NBAS: variants seen among roughly 807,000 people sequenced by gnomAD.
NBAS encodes NAG/BC035112 fusion.
In NBAS, 219 loss-of-function variants were observed where a neutral mutation model predicts 302.5. The observed-to-expected ratio is 0.72, with a 90% confidence interval of 0.65 to 0.81. The LOEUF is 0.81. Ranked by LOEUF, NBAS falls within the 30% of genes least tolerant of loss-of-function variation. The pLI is 0.00. For missense variants in NBAS, 2,932 were observed against 2,841.6 expected, an observed-to-expected ratio of 1.03 and a Z score of -0.72; for synonymous variants, 1,118 against 1,021.6, an observed-to-expected ratio of 1.09 and a Z score of -1.80.
chr2:15,063,687 A>G, the NBAS span, among the ~76,000 whole-genome samples: 1 of 152,172 alleles, frequency 6.6e-6, no homozygotes, highest in African/African-American at 2.4e-5. Flanking sequence ...TTAGAAAGGA[A>G]AGAAAGAGGC....
At chr2:15,481,612 T>A (rs754236858) in intron 12 of NBAS, among the ~76,000 whole-genome samples, 2 of 151,998 alleles carry the variant, frequency 1.3e-5, no homozygotes, top group African/African-American at 4.8e-5. Flanking sequence ...CAGCATTGCA[T>A]GGCACCATGT....
chr2:14,891,182 G>A, the NBAS span, among the ~76,000 whole-genome samples: 1 of 152,148 alleles, frequency 6.6e-6, no homozygotes, highest in Non-Finnish European at 1.5e-5. Context: ...CCAGCCGGTG[G>A]GCAGACCACA....
the NBAS span, among the ~76,000 whole-genome samples, chr2:14,845,124 T>A: frequency 3.9e-5 from 6 of 152,178 alleles, no homozygotes; most frequent in African/African-American, 1.4e-4. Flanking sequence ...TGGCTTTAGG[T>A]CTGACTCAGT....
chr2:14,922,208 G>T, the NBAS span, among the ~76,000 whole-genome samples: 4 of 152,184 alleles, frequency 2.6e-5, no homozygotes, highest in Admixed American at 2.6e-4. Flanking sequence ...GAGGAATCAT[G>T]GTGAGTAAAT....
At chr2:15,474,360 G>A in intron 14 of NBAS, 36 bp from the exon 15 acceptor site, 1 of 1,559,786 alleles carries the variant, frequency 6.4e-7, no homozygotes, top group South Asian at 1.2e-5. Flanking sequence ...TTAATAGTAA[G>A]GAAATAAGAA....
At chr2:15,492,336 T>C (rs910851088) in intron 11 of NBAS, among the ~76,000 whole-genome samples, 2 of 152,220 alleles carry the variant, frequency 1.3e-5, no homozygotes, top group African/African-American at 4.8e-5. Flanking sequence ...AGTAAGATGA[T>C]AGAGTTATTA....
the NBAS span, among the ~76,000 whole-genome samples, chr2:15,097,957 T>TATATATTATATTGTATATA: frequency 1.7e-5 from 1 of 58,876 alleles, no homozygotes; most frequent in African/African-American, 7.8e-5. Flanking sequence ...TTGTATATAA[T>TATATATTATATTGTATATA]ATATATATTA....
At chr2:15,515,240 G>A (rs1199687473) in intron 9 of NBAS, among the ~76,000 whole-genome samples, 26 of 149,308 alleles carry the variant, frequency 1.7e-4, no homozygotes, top group Non-Finnish European at 1.5e-4. Context: ...CTCTAAAACA[G>A]AAAAAAAAAA....
At chr2:15,334,546 G>A (rs891686957) in intron 35 of NBAS, among the ~76,000 whole-genome samples, 2 of 152,050 alleles carry the variant, frequency 1.3e-5, no homozygotes, top group Non-Finnish European at 1.5e-5. Flanking sequence ...ATTTTGACAC[G>A]CTGGCAATAT....
chr2:15,109,069 C>A, the NBAS span, among the ~76,000 whole-genome samples: 2 of 152,218 alleles, frequency 1.3e-5, no homozygotes, highest in African/African-American at 2.4e-5. Flanking sequence ...GCTAAAGATG[C>A]AAACTTCGGC....
intron 32 of NBAS, among the ~76,000 whole-genome samples, chr2:15,366,347 C>G (rs1460843477): frequency 6.6e-6 from 1 of 152,074 alleles, no homozygotes; most frequent in Non-Finnish European, 1.5e-5. Flanking sequence ...TTTTATAACA[C>G]GTCAATTTTT....
chr2:15,025,277 G>C, the NBAS span, among the ~76,000 whole-genome samples: 1 of 151,974 alleles, frequency 6.6e-6, no homozygotes, highest in African/African-American at 2.4e-5. Flanking sequence ...ATGGTTGTAG[G>C]TGTGTGGCTT....
At chr2:14,787,247 C>T in the NBAS span, among the ~76,000 whole-genome samples, 3 of 152,128 alleles carry the variant, frequency 2.0e-5, no homozygotes, top group African/African-American at 4.8e-5. Flanking sequence ...CTGAATACAG[C>T]ACACTGATGG....
chr2:14,848,463 C>CT, the NBAS span, among the ~76,000 whole-genome samples: 1 of 143,458 alleles, frequency 7.0e-6, no homozygotes, highest in South Asian at 2.1e-4. Flanking sequence ...GCACAGCAGT[C>CT]TGAGATCAAA....
chr2:15,181,588 C>T lies in NBAS; in HGVS notation c.6712-2472G>A, dbSNP rs139834354. Among the ~76,000 whole-genome samples the T allele has an allele frequency of 2.6e-4, 39 of 152,340 alleles. No homozygotes were observed. The East Asian group carries it at 7.1e-3, about 28-fold the overall frequency. ...AAACACGTCATTTGACAGGCCTTCG[C>T]AGTTCAAACCTGTCAGACCATGAGG... is the stretch of plus-strand genomic sequence containing the variant. On this transcript the variant is annotated intron_variant, in intron 50 of 51. Coordinates refer to ENST00000281513, the MANE Select transcript of NBAS (RefSeq NM_015909.4).
chr2:15,431,463 A>C (rs1323956491), intron 21 of NBAS, among the ~76,000 whole-genome samples: 4 of 152,178 alleles, frequency 2.6e-5, no homozygotes, highest in African/African-American at 9.7e-5. Context: ...CCAACATAAA[A>C]ACTCTTTAAA....
chr2:14,886,576 A>G, the NBAS span: 1 of 152,220 alleles, frequency 6.6e-6, no homozygotes, highest in Non-Finnish European at 1.5e-5. Context: ...CTTATAGCCC[A>G]TAGGTATATG....
chr2:14,798,683 C>A, the NBAS span, among the ~76,000 whole-genome samples: 1 of 151,864 alleles, frequency 6.6e-6, no homozygotes, highest in African/African-American at 2.4e-5. Context: ...GCTACATTAC[C>A]CTAGTAAATT....
chr2:15,246,148 AC>A (rs1668086846), intron 44 of NBAS, among the ~76,000 whole-genome samples: 1 of 152,224 alleles, frequency 6.6e-6, no homozygotes, highest in Non-Finnish European at 1.5e-5. Flanking sequence ...CATTTTTAAA[AC>A]ACTGTAAGAA....
Sources: gnomAD v4.1 joint callset for allele counts (sites outside exome capture counted in the v4.1 genomes callset) on GRCh38, gnomAD v4.1.1 for gene constraint, MANE v1.5 for transcripts, NCBI Gene and HGNC (gene_info 2026-07-23, HGNC 2026-07-21) for gene names.